Variants in ECE1 observed in about 807,000 individuals in gnomAD.
ECE1 encodes the protein endothelin-converting enzyme 1.
In ECE1, 35 loss-of-function variants were observed where a neutral mutation model predicts 98.6. The observed-to-expected ratio is 0.35, with a 90% CI of 0.27 to 0.47. ECE1 has a LOEUF of 0.47. Among genes scored for constraint, ECE1 ranks in the 20% least tolerant of loss-of-function variants. ECE1 has a pLI of 1.00. For synonymous variants in ECE1, 394 were observed against 407.1 expected, an observed-to-expected ratio of 0.97 and a Z score of 0.39; for missense variants, 814 against 1,025.3, an observed-to-expected ratio of 0.79 and a Z score of 2.81.
intron 1 of ECE1, among the ~76,000 whole-genome samples, chr1:21,325,656 G>A (rs1282108843): frequency 6.6e-6 from 1 of 152,196 alleles, no homozygotes; most frequent in Non-Finnish European, 1.5e-5. Flanking sequence ...TATTAAATGG[G>A]GACACAATAG....
Position 21,341,046 on chromosome 1 carries a change from C to G in ECE1, c.3+4330G>C, listed in dbSNP as rs988970899. On this transcript the variant is annotated intron_variant, in intron 1 of 18. Coordinates refer to the ECE1 transcript ENST00000415912. ...TTCTGCTCCCTCCACCCCCCGCCCCCCAACACTCTTCCCAGTCCCACTCGC... is the reference window on the plus strand; with the variant it reads ...TTCTGCTCCCTCCACCCCCCGCCCCGCAACACTCTTCCCAGTCCCACTCGC... Among the ~76,000 whole-genome samples the G allele has an allele frequency of 5.3e-5, 8 of 152,080 alleles. No homozygotes were observed. In the South Asian group the frequency reaches 1.5e-3, roughly 28 times the overall value.
At chr1:21,222,006 C>G in intron 17 of ECE1, 164 bp from the exon 18 acceptor site, 1 of 704,704 alleles carries the variant, frequency 1.4e-6, no homozygotes, top group South Asian at 1.5e-5. Context: ...GATGTGCACT[C>G]GTTTAGCCCT....
intron 8 of ECE1, among the ~76,000 whole-genome samples, chr1:21,252,970 T>C (rs759186587): frequency 3.3e-5 from 5 of 152,244 alleles, no homozygotes; most frequent in Admixed American, 6.5e-5. Flanking sequence ...CCAACAACCC[T>C]GTGTGGCAGG....
intron 3 of ECE1, among the ~76,000 whole-genome samples, chr1:21,274,901 TTAAATATCTC>T (rs1210670359): frequency 1.3e-5 from 2 of 152,156 alleles, no homozygotes; most frequent in African/African-American, 4.8e-5. Context: ...TGGTGCCATT[TTAAATATCTC>T]TAAATCAAAT....
At chr1:21,273,290 A>AGTGCGTGTGTGTGCATGT (rs1268240200) in intron 3 of ECE1, among the ~76,000 whole-genome samples, 1 of 151,574 alleles carries the variant, frequency 6.6e-6, no homozygotes, top group East Asian at 1.9e-4. Flanking sequence ...CTGAGTATGG[A>AGTGCGTGTGTGTGCATGT]GTGCGTGTGT....
chr1:21,340,942 C>CA lies in ECE1; in HGVS notation c.3+4433_3+4434insT, dbSNP rs1553374020. 1.3e-5 allele frequency among the ~76,000 whole-genome samples: 2 copies of CA among 151,892 alleles called. No individual in the cohort carries two copies. Among genetic ancestry groups the CA allele is most frequent in the African/African-American group, 2.4e-5 (1 of 41,340 alleles). ...TATGACCATCCCTGAGTGCACCCTC[C>CA]GGGCCACCTCCTAAGCACAGTCCTC... On this transcript the variant is annotated intron_variant, in intron 1 of 18. Transcript: ENST00000415912. The surrounding 1 kb of genome is among the most constrained non-coding windows in gnomAD (Gnocchi z 4.6).
rs977736790 is a variant in ECE1, at chr1:21,307,536, A to G, written c.4-17380T>C. On this transcript the variant is annotated intron_variant, in intron 1 of 18. Transcript: ENST00000415912. This position sits in a 1 kb window ranked among gnomAD's most constrained non-coding sequence, Gnocchi z 4.2. ...TAAAAAGCAAGTTTTAAACATGATC[A>G]CTACAGTCATTGATGTGAGGACGTC... 1.5e-4 allele frequency among the ~76,000 whole-genome samples: 23 copies of G among 152,182 alleles called. No individual in the cohort carries two copies. Among genetic ancestry groups the G allele is most frequent in the Non-Finnish European group, 3.1e-4 (21 of 68,036 alleles).
intron 4 of ECE1, 38 bp downstream of exon 4, chr1:21,272,661 C>A (rs2098241590): frequency 6.2e-7 from 1 of 1,612,664 alleles, no homozygotes; most frequent in East Asian, 2.2e-5. Flanking sequence ...CAGCTCCCCG[C>A]TGTGGCCCAT....
intron 1 of ECE1, among the ~76,000 whole-genome samples, chr1:21,321,616 T>C (rs1394779164): frequency 6.6e-6 from 1 of 151,698 alleles, no homozygotes. Flanking sequence ...ACAGGATTGA[T>C]TGATTGATTG....
At chr1:21,333,210 A>T (rs573236587) in intron 1 of ECE1, among the ~76,000 whole-genome samples, 2 of 152,020 alleles carry the variant, frequency 1.3e-5, no homozygotes, top group South Asian at 4.2e-4. Flanking sequence ...CGTGGTAGGG[A>T]TCTGATGCAG....
At chr1:21,247,773 A>T (rs1325993440) in intron 8 of ECE1, among the ~76,000 whole-genome samples, 1 of 152,238 alleles carries the variant, frequency 6.6e-6, no homozygotes, top group South Asian at 2.1e-4. Flanking sequence ...GAAACAGTTG[A>T]GCTTGTAGAC....
At chr1:21,275,516 A>G (rs1212335246) in intron 3 of ECE1, among the ~76,000 whole-genome samples, 1 of 152,098 alleles carries the variant, frequency 6.6e-6, no homozygotes, top group East Asian at 1.9e-4. Flanking sequence ...AATCTTTTGA[A>G]CCCGGGAGGC....
chr1:21,274,981 T>TG (rs1569607651), intron 3 of ECE1, among the ~76,000 whole-genome samples: 1 of 152,212 alleles, frequency 6.6e-6, no homozygotes, highest in African/African-American at 2.4e-5. Context: ...AGAATCTTTA[T>TG]GGGGCAGGGA....
At chr1:21,325,158 A>C (rs533084795) in intron 1 of ECE1, among the ~76,000 whole-genome samples, 1 of 152,258 alleles carries the variant, frequency 6.6e-6, no homozygotes, top group African/African-American at 2.4e-5. Flanking sequence ...GACACTAAAC[A>C]CAGAGACGGG....
At chr1:21,291,606 A>G (rs2098266691), upstream of ECE1, among the ~76,000 whole-genome samples, 2 of 152,116 alleles carry the variant, frequency 1.3e-5, no homozygotes, top group African/African-American at 4.8e-5. Context: ...TGGGTAGATC[A>G]CTTGAGGTCA....
In ECE1 at chr1:21,345,422, GGCTCCCGATTCCCAGCTCCGGGTTCCCT is replaced by G. The variant is rs1307564901; in HGVS notation, c.-72_-45del. On this transcript the variant is annotated 5_prime_UTR_variant, in exon 1 of 19. Transcript: ENST00000415912. This position sits in a 1 kb window ranked among gnomAD's most constrained non-coding sequence, Gnocchi z 5.1. ...CGGCTTCGCGCAGCTCCCCGCGCCCGGCTCCCGATTCCCAGCTCCGGGTTCCCTGCTCCCAGCCCAGCTGCTCGGACGG... is the reference window on the plus strand; with the variant it reads ...CGGCTTCGCGCAGCTCCCCGCGCCCGGCTCCCAGCCCAGCTGCTCGGACGG... The G allele has an allele frequency of 7.6e-7, 1 of 1,316,940 alleles. No individual in the cohort carries two copies. The allele number at this position is 1,316,940 out of a possible 1,614,324, so 81.6% of individuals were successfully genotyped here.
At chr1:21,320,443 A>C (rs2682351) in intron 1 of ECE1, among the ~76,000 whole-genome samples, 8,642 of 152,214 alleles carry the variant, frequency 0.057, 815 homozygotes, top group African/African-American at 0.19. Context: ...ATACTGTTTT[A>C]TGAGTAATTG....
intron 1 of ECE1, among the ~76,000 whole-genome samples, chr1:21,318,549 T>A (rs369137199): frequency 2.6e-5 from 4 of 152,062 alleles, no homozygotes; most frequent in East Asian, 3.9e-4. Context: ...AGTTTCTCTA[T>A]CTGTAAAATG....
chr1:21,260,503 G>T lies in ECE1; in HGVS notation c.494-111C>A. 7.4e-7 allele frequency: 1 copy of T among 1,347,718 alleles called. No homozygotes were observed. The highest frequency in any genetic ancestry group is 1.1e-6 in the Non-Finnish European group (1 of 945,130). 83.5% of individuals were successfully genotyped at this position (1,347,718 alleles called of 1,614,324 possible). A position where few individuals can be genotyped will look rare whatever the true frequency, so the allele number is the denominator to read the frequency against. The stretch of plus-strand genomic sequence containing the variant: ...GTGTTCTCAGCTGCAAAGGAGCTCT[G>T]ACATCTGCCTGTCGGAGTGGCAGTG... On this transcript the variant is annotated intron_variant, in intron 4 of 18. Transcript: ENST00000374893. The surrounding 1 kb of genome is among the most constrained non-coding windows in gnomAD (Gnocchi z 4.3).
Sources: allele counts gnomAD v4.1 joint callset (sites outside exome capture counted in the v4.1 genomes callset), GRCh38; gene constraint gnomAD v4.1.1; non-coding constraint Gnocchi (gnomAD v3.1); transcripts MANE v1.5; gene names NCBI Gene and HGNC (gene_info 2026-07-23, HGNC 2026-07-21).